The following NRXN1 variants were observed in gnomAD, a reference collection of about 807,000 sequenced individuals.
NRXN1 encodes neurexin-1.
In NRXN1, 39 loss-of-function variants were observed where a neutral mutation model predicts 150.9. That is an observed-to-expected ratio of 0.26 (90% CI 0.20 to 0.34). The LOEUF (loss-of-function observed/expected upper bound fraction) is 0.34, where lower values mean the gene tolerates loss of function less well. Ranked by LOEUF, NRXN1 falls within the 10% of genes least tolerant of loss-of-function variation. The pLI is 1.00. For missense variants in NRXN1, 1,815 were observed against 1,949.9 expected (o/e 0.93, Z 1.30); for synonymous variants, 924 against 757.0 (o/e 1.22, Z -3.62).
chr2:50,188,148 C>T (rs778491619), intron 18 of NRXN1, among the ~76,000 whole-genome samples: 84 of 152,020 alleles, frequency 5.5e-4, no homozygotes, highest in Admixed American at 4.4e-3. Context: ...GTAACAAAAC[C>T]AGCTTGATAC....
At chr2:50,681,166 T>C (rs534158838) in intron 5 of NRXN1, among the ~76,000 whole-genome samples, 38 of 152,328 alleles carry the variant, frequency 2.5e-4, no homozygotes, top group Non-Finnish European at 5.0e-4. Context: ...GACTCTAATG[T>C]TGGATCTGTA....
At chr2:50,649,259 T>TTCAC (rs1553925668) in intron 5 of NRXN1, among the ~76,000 whole-genome samples, 1 of 143,244 alleles carries the variant, frequency 7.0e-6, no homozygotes, top group African/African-American at 2.6e-5. Flanking sequence ...CATACACACA[T>TTCAC]ACACACACAC....
intron 2 of NRXN1, among the ~76,000 whole-genome samples, chr2:50,929,631 G>T (rs1687441000): frequency 6.6e-6 from 1 of 152,048 alleles, no homozygotes; most frequent in Admixed American, 6.6e-5. Flanking sequence ...AGCAAAACTG[G>T]TGGTGGTAAC....
At chr2:50,149,238 G>A (rs1047717545) in intron 18 of NRXN1, among the ~76,000 whole-genome samples, 11 of 151,546 alleles carry the variant, frequency 7.3e-5, no homozygotes, top group African/African-American at 1.9e-4. Flanking sequence ...ATCCATTTGC[G>A]CTGCCTGCTT....
chr2:50,039,786 G>C lies in NRXN1; in HGVS notation c.4128+13485C>G, dbSNP rs550677902. Reference sequence around the variant, plus strand: ...AGAGATTCAATACAAGAAAAAATAAGTATGTTGAGTAGCTCATGGAAAAAC... The same window carrying C: ...AGAGATTCAATACAAGAAAAAATAACTATGTTGAGTAGCTCATGGAAAAAC... On this transcript the variant is annotated intron_variant, in intron 21 of 22. Coordinates refer to ENST00000401669, the MANE Select transcript of NRXN1 (RefSeq NM_001330078.2). Among the ~76,000 whole-genome samples, 342 of 152,272 alleles carry C rather than the reference G, an allele frequency of 2.2e-3. 3 individuals are homozygous for C. Among genetic ancestry groups the C allele is most frequent in the African/African-American group, 7.9e-3 (330 of 41,560 alleles).
At chr2:50,298,348 G>A (rs1413328969) in intron 17 of NRXN1, among the ~76,000 whole-genome samples, 1 of 152,048 alleles carries the variant, frequency 6.6e-6, no homozygotes, top group African/African-American at 2.4e-5. Context: ...CTAATTCCAA[G>A]CAACACTATC....
intron 17 of NRXN1, among the ~76,000 whole-genome samples, chr2:50,369,582 T>C (rs904943982): frequency 6.6e-6 from 1 of 152,034 alleles, no homozygotes; most frequent in African/African-American, 2.4e-5. Flanking sequence ...GTGCTTTCAA[T>C]CTGGAAAAGT....
chr2:50,397,625 G>A (rs1334930789), intron 17 of NRXN1, among the ~76,000 whole-genome samples: 1 of 152,004 alleles, frequency 6.6e-6, no homozygotes, highest in African/African-American at 2.4e-5. Flanking sequence ...TTTTAAATCT[G>A]AGTTTTCCAA....
intron 5 of NRXN1, among the ~76,000 whole-genome samples, chr2:50,646,579 C>A (rs988749848): frequency 2.0e-5 from 3 of 151,876 alleles, no homozygotes; most frequent in Non-Finnish European, 4.4e-5. Context: ...CAAAAAGGAG[C>A]TAAATCACAT....
At chr2:50,165,505 C>T (rs1055697953) in intron 18 of NRXN1, among the ~76,000 whole-genome samples, 1 of 152,114 alleles carries the variant, frequency 6.6e-6, no homozygotes, top group Admixed American at 6.5e-5. Context: ...TGCACCACCA[C>T]GTCTGGCTAA....
chr2:50,517,662 C>T (rs1307511599), intron 12 of NRXN1, among the ~76,000 whole-genome samples: 1 of 152,076 alleles, frequency 6.6e-6, no homozygotes, highest in African/African-American at 2.4e-5. Flanking sequence ...AAATAAACTT[C>T]ATGATGCATA....
Position 50,925,522 on chromosome 2 carries a change from G to T in NRXN1, c.790+416C>A, listed in dbSNP as rs539410842. Among the ~76,000 whole-genome samples, 173 of 151,828 alleles carry T rather than the reference G, an allele frequency of 1.1e-3. 3 individuals are homozygous for T. The South Asian group carries it at 0.035, about 30-fold the overall frequency. The stretch of plus-strand genomic sequence containing the variant: ...CCAATCATTTTAAACAAACCAATGG[G>T]CTTGAAATGAGATAATGCTAAATTT... On this transcript the variant is annotated intron_variant, in intron 3 of 22. Transcript: ENST00000401669.
chr2:50,689,649 G>GA (rs1691764285), intron 5 of NRXN1, among the ~76,000 whole-genome samples: 2 of 152,162 alleles, frequency 1.3e-5, no homozygotes, highest in Non-Finnish European at 2.9e-5. Context: ...GCTTTAGGTA[G>GA]CAAAAGAGGG....
intron 5 of NRXN1, among the ~76,000 whole-genome samples, chr2:50,887,142 T>C (rs1680371487): frequency 6.6e-6 from 1 of 151,428 alleles, no homozygotes; most frequent in Non-Finnish European, 1.5e-5. Context: ...ACTTTATGTT[T>C]TCAGTATCCA....
At chr2:49,992,620 A>G (rs1281153597) in intron 21 of NRXN1, among the ~76,000 whole-genome samples, 2 of 152,082 alleles carry the variant, frequency 1.3e-5, no homozygotes. Flanking sequence ...AAACTCTGTT[A>G]AGAAAATGAG....
chr2:50,957,818 A>G (rs1478244969), intron 2 of NRXN1, among the ~76,000 whole-genome samples: 1 of 152,152 alleles, frequency 6.6e-6, no homozygotes. Flanking sequence ...TTCAAATGAC[A>G]TTTAAAACAA....
chr2:50,540,467 A>AT (rs746095669), intron 9 of NRXN1, among the ~76,000 whole-genome samples: 17 of 150,534 alleles, frequency 1.1e-4, no homozygotes, highest in African/African-American at 3.8e-4. Context: ...TTAAAGCATC[A>AT]TTTTTTATAT....
At chr2:50,830,526 T>C (rs964855551) in intron 5 of NRXN1, among the ~76,000 whole-genome samples, 6 of 151,472 alleles carry the variant, frequency 4.0e-5, no homozygotes, top group Non-Finnish European at 7.4e-5. Flanking sequence ...TCATATACTA[T>C]CTACTATAAA....
chr2:50,948,142 C>T (rs1197570659), intron 2 of NRXN1, among the ~76,000 whole-genome samples: 1 of 151,884 alleles, frequency 6.6e-6, no homozygotes, highest in African/African-American at 2.4e-5. Flanking sequence ...AAATAAAAGC[C>T]ATTTGTCTCT....
Sources: allele counts gnomAD v4.1 joint callset (sites outside exome capture counted in the v4.1 genomes callset), GRCh38; gene constraint gnomAD v4.1.1; transcripts MANE v1.5; gene names NCBI Gene and HGNC (gene_info 2026-07-23, HGNC 2026-07-21).